The following EXOC6B variants were observed in gnomAD, a reference collection of about 807,000 sequenced individuals.
EXOC6B encodes the protein exocyst complex component 6B, also known as SEC15 homolog B.
Under a neutral mutation model 113.5 loss-of-function variants are expected in EXOC6B, and 54 were observed. That is an observed-to-expected ratio of 0.48 (90% confidence interval 0.38 to 0.60). EXOC6B has a LOEUF of 0.60. EXOC6B is among the 20% of genes least tolerant of loss of function. The pLI is 0.00. For synonymous variants in EXOC6B, 357 were observed against 339.0 expected (o/e 1.05, Z -0.58); for missense variants, 797 against 977.5 (o/e 0.82, Z 2.46).
chr2:72,181,879 T>A (rs752737124), intron 21 of EXOC6B, among the ~76,000 whole-genome samples: 1 of 152,222 alleles, frequency 6.6e-6, no homozygotes, highest in Non-Finnish European at 1.5e-5. Context: ...CATCCCATTC[T>A]GAAAGCCCAA....
chr2:72,367,464 G>C (rs1690700947), intron 19 of EXOC6B, among the ~76,000 whole-genome samples: 1 of 152,186 alleles, frequency 6.6e-6, no homozygotes, highest in African/African-American at 2.4e-5. Flanking sequence ...TAAGATGGTA[G>C]AATATATGAT....
At chr2:72,214,651 T>C (rs1237395381) in intron 20 of EXOC6B, among the ~76,000 whole-genome samples, 1 of 152,200 alleles carries the variant, frequency 6.6e-6, no homozygotes, top group East Asian at 1.9e-4. Context: ...ACTTATCAGC[T>C]GATCTGCAGT....
At chr2:72,262,683 G>A (rs1229243423) in intron 20 of EXOC6B, among the ~76,000 whole-genome samples, 1 of 151,778 alleles carries the variant, frequency 6.6e-6, no homozygotes, top group East Asian at 1.9e-4. Context: ...CAAGAGCACT[G>A]AGCAAAACAG....
intron 20 of EXOC6B, among the ~76,000 whole-genome samples, chr2:72,295,783 T>C (rs1034637545): frequency 1.3e-5 from 2 of 152,206 alleles, no homozygotes; most frequent in Non-Finnish European, 2.9e-5. Flanking sequence ...CATTAGACTA[T>C]ATCACATTTT....
At chr2:72,613,325 C>G (rs139071516) in intron 6 of EXOC6B, among the ~76,000 whole-genome samples, 1 of 151,878 alleles carries the variant, frequency 6.6e-6, no homozygotes, top group Non-Finnish European at 1.5e-5. Context: ...TTTTTTTAAG[C>G]CTATAGTCAG....
At chr2:72,409,304 T>A (rs1220843997) in intron 18 of EXOC6B, among the ~76,000 whole-genome samples, 7 of 152,216 alleles carry the variant, frequency 4.6e-5, no homozygotes, top group African/African-American at 1.7e-4. Flanking sequence ...TGGCAGTCAG[T>A]GTGGCAATTC....
rs187429221 is a variant in EXOC6B, at chr2:72,344,522, C to T, written c.2123-9502G>A. Among the ~76,000 whole-genome samples, 96 of 152,016 alleles carry T rather than the reference C, an allele frequency of 6.3e-4. 3 individuals carry two copies. The Middle Eastern group carries it at 0.01, about 16-fold the overall frequency. ...ATTCCTTGCGATTTTTAATTGAAAA[C>T]TGGACATTTGAATCTAATAATGTGG... On this transcript the variant is annotated intron_variant, in intron 19 of 21. Transcript: ENST00000272427.
At chr2:72,307,761 A>T (rs1016647334) in intron 20 of EXOC6B, among the ~76,000 whole-genome samples, 2 of 152,160 alleles carry the variant, frequency 1.3e-5, no homozygotes, top group African/African-American at 4.8e-5. Flanking sequence ...TTAGAACATG[A>T]TACTGTATAT....
At chr2:72,728,169 T>C (rs1041529349) in intron 5 of EXOC6B, among the ~76,000 whole-genome samples, 6 of 151,970 alleles carry the variant, frequency 3.9e-5, no homozygotes, top group South Asian at 2.1e-4. Flanking sequence ...AACAATAAGA[T>C]CAAAGACAAT....
At chr2:72,528,490 T>C (rs2105745234) in intron 8 of EXOC6B, among the ~76,000 whole-genome samples, 1 of 152,236 alleles carries the variant, frequency 6.6e-6, no homozygotes, top group East Asian at 1.9e-4. Context: ...CAATTTATTC[T>C]TCTTTTTTTA....
chr2:72,593,643 T>TA (rs70963131), intron 6 of EXOC6B, among the ~76,000 whole-genome samples: 61,573 of 136,928 alleles, frequency 0.45, 13,682 homozygotes, highest in Admixed American at 0.5. Flanking sequence ...ATAGGGATCT[T>TA]AAAAAAAAAA....
At chr2:72,811,399 A>G (rs968322028) in intron 1 of EXOC6B, among the ~76,000 whole-genome samples, 5 of 152,228 alleles carry the variant, frequency 3.3e-5, no homozygotes, top group Non-Finnish European at 7.3e-5. Flanking sequence ...CAACTCACCA[A>G]TATGACACAG....
In EXOC6B at chr2:72,379,880, A is replaced by C. The variant is rs749050329; in HGVS notation, c.1981-10T>G. The C allele has an allele frequency of 3.0e-5, 48 of 1,598,408 alleles. No individual in the cohort carries two copies. Among genetic ancestry groups the C allele is most frequent in the Non-Finnish European group, 4.0e-5 (47 of 1,171,886 alleles). ...TCTGGGCCACCTTTCCCTGAAACACAAGAGTGTAAATCATAAAGTTAATGC... is the reference window on the plus strand; with the variant it reads ...TCTGGGCCACCTTTCCCTGAAACACCAGAGTGTAAATCATAAAGTTAATGC... On this transcript the variant is annotated splice_polypyrimidine_tract_variant and intron_variant, in intron 18 of 21. Transcript: ENST00000272427.
intron 1 of EXOC6B, among the ~76,000 whole-genome samples, chr2:72,822,869 G>T (rs966485229): frequency 6.6e-6 from 1 of 152,056 alleles, no homozygotes; most frequent in Non-Finnish European, 1.5e-5. Context: ...AGTAGTTAAG[G>T]CAAGAGAGCT....
intron 20 of EXOC6B, among the ~76,000 whole-genome samples, chr2:72,188,979 T>C: frequency 6.6e-6 from 1 of 152,216 alleles, no homozygotes; most frequent in Admixed American, 6.5e-5. Context: ...CAAAGTAAAC[T>C]GAGACTTTAT....
At chr2:72,510,016 T>C (rs1369004381) in intron 11 of EXOC6B, among the ~76,000 whole-genome samples, 1 of 152,078 alleles carries the variant, frequency 6.6e-6, no homozygotes. Context: ...GTGTTTTTAG[T>C]AGAGACGGGG....
chr2:72,416,764 C>T (rs935797341), intron 18 of EXOC6B, among the ~76,000 whole-genome samples: 1 of 152,164 alleles, frequency 6.6e-6, no homozygotes, highest in Non-Finnish European at 1.5e-5. Context: ...AACACACACA[C>T]TCACTACTAC....
intron 6 of EXOC6B, among the ~76,000 whole-genome samples, chr2:72,688,448 C>T (rs1193790479): frequency 6.6e-6 from 1 of 152,096 alleles, no homozygotes; most frequent in Non-Finnish European, 1.5e-5. Flanking sequence ...CAGAGGTATT[C>T]CACACCATCC....
At position 72,513,196 on chromosome 2, in the gene EXOC6B, G is replaced by C; in HGVS notation, c.1103C>G (p.Ala368Gly). 1 of 1,613,294 alleles carries C rather than the reference G, an allele frequency of 6.2e-7. No individual in the cohort carries two copies. The highest frequency in any genetic ancestry group is 8.5e-7 in the Non-Finnish European group (1 of 1,179,424). ...CATTTCCCACAGTTCATCAATGTAG[G>C]CTCTATTTACTAAGCCCTGGGTTGT... is the stretch of plus-strand genomic sequence containing the variant. Reference protein sequence around the residue: ...LHTTQGLVNRAYIDELWEMAL... With the variant: ...LHTTQGLVNRGYIDELWEMAL... The change falls in exon 11 of 22, where the codon GCC becomes GGC. Residue 368 changes from alanine to glycine, a missense_variant. Ala to Gly is a moderately conservative substitution (Grantham distance 60). Transcript: ENST00000272427.
Sources: allele counts gnomAD v4.1 joint callset (sites outside exome capture counted in the v4.1 genomes callset), GRCh38; gene constraint gnomAD v4.1.1; transcripts MANE v1.5; gene names NCBI Gene and HGNC (gene_info 2026-07-23, HGNC 2026-07-21).